The following HDAC9 variants were observed in gnomAD, a reference collection of about 807,000 sequenced individuals.
The protein encoded by HDAC9 is histone deacetylase 9.
Under a neutral mutation model 139.4 loss-of-function variants are expected in HDAC9, and 41 were observed. That is an observed-to-expected ratio of 0.29 (90% CI 0.23 to 0.38). HDAC9 has a LOEUF of 0.38. Among genes scored for constraint, HDAC9 ranks in the 10% least tolerant of loss-of-function variants. The pLI, the probability that HDAC9 is intolerant of heterozygous loss-of-function variation, is 1.00. For synonymous variants in HDAC9, 517 were observed against 476.2 expected, an observed-to-expected ratio of 1.09 and a Z score of -1.12; for missense variants, 1,147 against 1,297.0, an observed-to-expected ratio of 0.88 and a Z score of 1.78.
chr7:18,549,168 G>T (rs1394980543), intron 2 of HDAC9, among the ~76,000 whole-genome samples: 1 of 152,182 alleles, frequency 6.6e-6, no homozygotes, highest in African/African-American at 2.4e-5. Flanking sequence ...GACCTGGGAG[G>T]TGGGGGTTGC....
At chr7:18,541,873 A>G (rs145131262) in intron 2 of HDAC9, among the ~76,000 whole-genome samples, 1 of 152,324 alleles carries the variant, frequency 6.6e-6, no homozygotes, top group East Asian at 1.9e-4. Flanking sequence ...TATTATTTAT[A>G]CCAAATCTTT....
chr7:18,989,821 T>G (rs1439127601), intron 25 of HDAC9, among the ~76,000 whole-genome samples: 2 of 134,204 alleles, frequency 1.5e-5, no homozygotes, highest in African/African-American at 5.7e-5. Flanking sequence ...CCATTGCTGA[T>G]ACCCTTTCTT....
At chr7:18,746,673 G>A (rs1321372755) in intron 13 of HDAC9, among the ~76,000 whole-genome samples, 1 of 151,954 alleles carries the variant, frequency 6.6e-6, no homozygotes, top group Non-Finnish European at 1.5e-5. Flanking sequence ...CCTATTTTTG[G>A]GATACATTCA....
chr7:18,649,172 C>T lies in HDAC9; in HGVS notation c.1467+489C>T, dbSNP rs1015545563. Reference sequence around the variant, plus strand: ...CCAATAAGCGTTTGGAGTAGTTTCTCGGAAACTTGTGATCATTTCTTCCTG... The same window carrying T: ...CCAATAAGCGTTTGGAGTAGTTTCTTGGAAACTTGTGATCATTTCTTCCTG... On this transcript the variant is annotated intron_variant, in intron 11 of 25. Coordinates refer to ENST00000686413, the MANE Select transcript of HDAC9 (RefSeq NM_178425.4). Among the ~76,000 whole-genome samples, 5 of 152,198 alleles carry T rather than the reference C, an allele frequency of 3.3e-5. No homozygotes were observed. The South Asian group carries it at 6.2e-4, about 19-fold the overall frequency.
chr7:18,806,448 A>C (rs1233416120), intron 17 of HDAC9, among the ~76,000 whole-genome samples: 1 of 152,100 alleles, frequency 6.6e-6, no homozygotes, highest in Non-Finnish European at 1.5e-5. Flanking sequence ...CTTAGCTCCT[A>C]GAGTACTCTC....
chr7:18,926,326 G>A (rs1804225236), intron 22 of HDAC9, among the ~76,000 whole-genome samples: 1 of 152,168 alleles, frequency 6.6e-6, no homozygotes, highest in African/African-American at 2.4e-5. Context: ...CAGCCTGGAT[G>A]ACAGAGTGAG....
chr7:18,773,658 G>C (rs1404706281), intron 16 of HDAC9, among the ~76,000 whole-genome samples: 2 of 151,914 alleles, frequency 1.3e-5, no homozygotes, highest in Admixed American at 6.6e-5. Context: ...TGACTGCCAA[G>C]GAGACGTTAG....
At chr7:18,716,959 T>A (rs957607598) in intron 12 of HDAC9, among the ~76,000 whole-genome samples, 1 of 151,948 alleles carries the variant, frequency 6.6e-6, no homozygotes, top group African/African-American at 2.4e-5. Context: ...ACAAGAATAT[T>A]TGATTTGCAA....
chr7:18,213,896 A>G (rs1254256570), intron 2 of HDAC9, among the ~76,000 whole-genome samples: 2 of 152,142 alleles, frequency 1.3e-5, no homozygotes, highest in East Asian at 3.8e-4. Flanking sequence ...TAATTTTTCC[A>G]TAATTCCAGT....
chr7:18,710,122 T>C (rs1784236955), intron 12 of HDAC9, among the ~76,000 whole-genome samples: 1 of 152,170 alleles, frequency 6.6e-6, no homozygotes, highest in Non-Finnish European at 1.5e-5. Context: ...GCAGGGGAAC[T>C]GCGCTATATA....
chr7:18,124,070 G>C (rs1217875824), intron 1 of HDAC9, among the ~76,000 whole-genome samples: 1 of 152,098 alleles, frequency 6.6e-6, no homozygotes, highest in Non-Finnish European at 1.5e-5. Context: ...CTCACAGCCT[G>C]CCCCAAACTA....
intron 12 of HDAC9, among the ~76,000 whole-genome samples, chr7:18,689,023 C>T (rs1183227908): frequency 6.6e-6 from 1 of 151,934 alleles, no homozygotes; most frequent in Non-Finnish European, 1.5e-5. Context: ...GCTTCTGAAC[C>T]TGTATTCTGT....
rs1299921153 is a variant in HDAC9, at chr7:18,661,277, TG to T, written c.1468-4935del. Among the ~76,000 whole-genome samples the T allele has an allele frequency of 5.3e-5, 8 of 152,260 alleles. No individual in the cohort carries two copies. The East Asian group carries it at 1.5e-3, about 29-fold the overall frequency. ...AGTTGGGTAAAGCTGTTTACTCAAA[TG>T]AGAAAGATTGGGTGATCAATACAAT... On this transcript the variant is annotated intron_variant, in intron 11 of 25. Transcript: ENST00000686413.
intron 1 of HDAC9, among the ~76,000 whole-genome samples, chr7:18,316,860 G>A (rs1476089816): frequency 1.3e-5 from 2 of 151,068 alleles, no homozygotes; most frequent in Non-Finnish European, 3.0e-5. Context: ...TTGGGAGGCC[G>A]AGGCAGGCAG....
intron 24 of HDAC9, among the ~76,000 whole-genome samples, chr7:18,955,928 G>A (rs1172158147): frequency 2.6e-5 from 4 of 152,088 alleles, no homozygotes. Flanking sequence ...GTATAAAAAG[G>A]CGTAATTTCT....
intron 12 of HDAC9, among the ~76,000 whole-genome samples, chr7:18,711,689 C>A (rs1371871051): frequency 1.3e-5 from 2 of 152,156 alleles, no homozygotes; most frequent in African/African-American, 2.4e-5. Context: ...TTCCTTTTAG[C>A]CCTCAATGAC....
Position 18,996,256 on chromosome 7 carries a change from A to G in HDAC9, c.*194A>G. On this transcript the variant is annotated 3_prime_UTR_variant, in exon 26 of 26. Coordinates refer to ENST00000686413, the MANE Select transcript of HDAC9 (RefSeq NM_178425.4). Reference sequence around the variant, plus strand: ...CTTGAAAGGGCATTAAAGATTCCTTAAACGTAACCGCTGTGATTCTAGAGT... The same window carrying G: ...CTTGAAAGGGCATTAAAGATTCCTTGAACGTAACCGCTGTGATTCTAGAGT... The G allele has an allele frequency of 1.9e-6, 1 of 514,140 alleles. No individual in the cohort carries two copies. Among genetic ancestry groups the G allele is most frequent in the Non-Finnish European group, 3.5e-6 (1 of 283,312 alleles). The allele number at this position is 514,140 out of a possible 1,614,324, so 31.8% of individuals were successfully genotyped here.
Position 18,629,373 on chromosome 7 carries a change from C to A in HDAC9, c.688C>A (p.Arg230=). Residue 230 remains arginine, a synonymous_variant, in exon 7 of 26, where the codon CGG becomes AGG. Coordinates refer to ENST00000686413, the MANE Select transcript of HDAC9 (RefSeq NM_178425.4). ...KTASEPNLKV[R]SRLKQKVAER... ...AGCCTCTGAGCCCAACTTGAAGGTG[C>A]GGTCCAGGTTAAAACAGAAAGTGGC... is the stretch of plus-strand genomic sequence containing the variant. 3.1e-6 allele frequency: 5 copies of A among 1,596,494 alleles called. No homozygotes were observed. The highest frequency in any genetic ancestry group is 4.3e-6 in the Non-Finnish European group (5 of 1,173,084).
rs563682213 is a variant in HDAC9, at chr7:18,908,170, G to A, written c.2804-27639G>A. ...TTCTAGAAATAAGCATAATATAGAA[G>A]CTCCCAGCCACATCAATTATAGTGC... On this transcript the variant is annotated intron_variant, in intron 22 of 25. Coordinates refer to ENST00000686413, the MANE Select transcript of HDAC9 (RefSeq NM_178425.4). 2.8e-3 allele frequency among the ~76,000 whole-genome samples: 430 copies of A among 151,902 alleles called. 2 individuals are homozygous for A. Among genetic ancestry groups the A allele is most frequent in the African/African-American group, 9.3e-3 (386 of 41,458 alleles).
Sources: allele counts gnomAD v4.1 joint callset (sites outside exome capture counted in the v4.1 genomes callset), GRCh38; gene constraint gnomAD v4.1.1; transcripts MANE v1.5; gene names NCBI Gene and HGNC (gene_info 2026-07-23, HGNC 2026-07-21).